RNF121: variants seen among roughly 807,000 people sequenced by gnomAD.
RNF121 encodes the protein ring finger protein 121.
In RNF121, 21 loss-of-function variants were observed where a neutral mutation model predicts 46.5. That is an observed-to-expected ratio of 0.45 (90% CI 0.32 to 0.65). The LOEUF is 0.65. Ranked by LOEUF, RNF121 falls within the 30% of genes least tolerant of loss-of-function variation. The pLI is 0.04. For missense variants in RNF121, 346 were observed against 416.0 expected (o/e 0.83, Z 1.46); for synonymous variants, 139 against 144.7 (o/e 0.96, Z 0.28).
chr11:71,986,626 G>A (rs755177102), intron 4 of RNF121, among the ~76,000 whole-genome samples: 12 of 151,954 alleles, frequency 7.9e-5, no homozygotes, highest in African/African-American at 1.7e-4. Flanking sequence ...AAAATTAGCC[G>A]GGTGTGGTGG....
intron 2 of RNF121, among the ~76,000 whole-genome samples, chr11:71,957,636 G>C (rs1954021671): frequency 6.6e-6 from 1 of 152,166 alleles, no homozygotes; most frequent in Non-Finnish European, 1.5e-5. Context: ...TTAGAAGAGT[G>C]CCTGGCATGT....
chr11:71,932,736 T>C (rs1306862644), intron 1 of RNF121, among the ~76,000 whole-genome samples: 1 of 152,222 alleles, frequency 6.6e-6, no homozygotes, highest in Non-Finnish European at 1.5e-5. Context: ...TTCCCTTCAT[T>C]TTAAAGACCC....
chr11:71,933,299 A>G (rs939546149), intron 1 of RNF121, among the ~76,000 whole-genome samples: 1 of 152,212 alleles, frequency 6.6e-6, no homozygotes, highest in Non-Finnish European at 1.5e-5. Context: ...TTATCTGCCA[A>G]AATGATGTGA....
At chr11:71,980,623 A>T (rs1476363065) in intron 3 of RNF121, among the ~76,000 whole-genome samples, 2 of 152,204 alleles carry the variant, frequency 1.3e-5, no homozygotes, top group Non-Finnish European at 2.9e-5. Context: ...CTGGGATTAC[A>T]GGTGTGAGTC....
intron 3 of RNF121, among the ~76,000 whole-genome samples, chr11:71,974,011 G>C (rs867783188): frequency 2.0e-5 from 3 of 152,010 alleles, no homozygotes; most frequent in African/African-American, 7.2e-5. Context: ...GCGCTATCTC[G>C]GCTCACTGCA....
intron 8 of RNF121, 37 bp from the exon 9 acceptor site, chr11:71,996,158 T>A (rs770346530): frequency 1.2e-5 from 19 of 1,612,470 alleles, no homozygotes; most frequent in Non-Finnish European, 1.5e-5. Flanking sequence ...TCCTGGCAGC[T>A]CTTGCACAGA....
chr11:71,978,681 G>A (rs1954585872), intron 3 of RNF121, among the ~76,000 whole-genome samples: 1 of 152,130 alleles, frequency 6.6e-6, no homozygotes, highest in African/African-American at 2.4e-5. Flanking sequence ...TATATCAAAT[G>A]CTTGTATTTA....
chr11:71,981,148 A>C (rs1418002189), intron 3 of RNF121, among the ~76,000 whole-genome samples: 1 of 151,794 alleles, frequency 6.6e-6, no homozygotes, highest in African/African-American at 2.4e-5. Flanking sequence ...TCTTGGGTTC[A>C]CACCATTCTC....
intron 3 of RNF121, among the ~76,000 whole-genome samples, chr11:71,982,251 G>T (rs756665035): frequency 7.4e-6 from 1 of 134,248 alleles, no homozygotes; most frequent in African/African-American, 2.8e-5. Flanking sequence ...CAAGAGAATC[G>T]CTTAAACCTG....
At chr11:71,977,926 G>A (rs1015733106) in intron 3 of RNF121, among the ~76,000 whole-genome samples, 2 of 152,262 alleles carry the variant, frequency 1.3e-5, no homozygotes, top group African/African-American at 2.4e-5. Context: ...CTCCATAAAT[G>A]TTGCCACGAG....
chr11:71,952,737 AG>A (rs1953911312), intron 1 of RNF121, among the ~76,000 whole-genome samples: 1 of 152,160 alleles, frequency 6.6e-6, no homozygotes, highest in Admixed American at 6.5e-5. Flanking sequence ...TGAGCCTGGA[AG>A]GCGGAGGTTG....
intron 1 of RNF121, among the ~76,000 whole-genome samples, chr11:71,930,359 C>T (rs530586165): frequency 2.8e-4 from 42 of 152,064 alleles, no homozygotes; most frequent in Middle Eastern, 6.8e-3. Flanking sequence ...AGATGAGGTT[C>T]AGAGAAAGGG....
intron 1 of RNF121, among the ~76,000 whole-genome samples, chr11:71,955,927 T>G (rs192865871): frequency 2.0e-5 from 3 of 152,286 alleles, no homozygotes; most frequent in Admixed American, 1.3e-4. Context: ...GGATGTTGAC[T>G]TCATTACCTA....
chr11:71,933,346 C>A (rs1449363582), intron 1 of RNF121, among the ~76,000 whole-genome samples: 1 of 152,134 alleles, frequency 6.6e-6, no homozygotes, highest in African/African-American at 2.4e-5. Context: ...TAACTCAAGC[C>A]AGAGTTCAAA....
At chr11:71,944,286 T>C (rs1337110040) in intron 1 of RNF121, among the ~76,000 whole-genome samples, 1 of 152,108 alleles carries the variant, frequency 6.6e-6, no homozygotes, top group Non-Finnish European at 1.5e-5. Flanking sequence ...TGAGCCGAGA[T>C]TGTGCCACTG....
chr11:71,959,720 C>G (rs1443529852), intron 2 of RNF121, among the ~76,000 whole-genome samples: 1 of 151,356 alleles, frequency 6.6e-6, no homozygotes, highest in African/African-American at 2.4e-5. Flanking sequence ...ACTGCAACCT[C>G]CACCTCCCAG....
intron 1 of RNF121, among the ~76,000 whole-genome samples, chr11:71,951,574 A>G (rs1953882606): frequency 6.6e-6 from 1 of 151,424 alleles, no homozygotes; most frequent in South Asian, 2.1e-4. Flanking sequence ...TCTAATGTAC[A>G]ATGATCATGC....
rs550264211 is a variant in RNF121, at chr11:71,981,983, T to G, written c.244-778T>G. Among the ~76,000 whole-genome samples the G allele has an allele frequency of 2.0e-5, 3 of 152,300 alleles. No homozygotes were observed. In the East Asian group the frequency reaches 5.8e-4, roughly 29 times the overall value. On this transcript the variant is annotated intron_variant, in intron 3 of 8. Transcript: ENST00000361756. ...AGCACTTTCTGCCTGGAAAGGAGAC[T>G]AGACGGAAGGCTTCGTGTGTCTTGG...
intron 3 of RNF121, among the ~76,000 whole-genome samples, chr11:71,970,155 A>G (rs778260036): frequency 2.6e-5 from 4 of 152,216 alleles, no homozygotes; most frequent in African/African-American, 9.6e-5. Context: ...TTCCACTTAT[A>G]TGAGATATCT....
Sources: gnomAD v4.1 joint callset for allele counts (sites outside exome capture counted in the v4.1 genomes callset) on GRCh38, gnomAD v4.1.1 for gene constraint, MANE v1.5 for transcripts, NCBI Gene and HGNC (gene_info 2026-07-23, HGNC 2026-07-21) for gene names.